Variants in IYD observed in about 807,000 individuals in gnomAD.
The protein encoded by IYD is iodotyrosine deiodinase.
A neutral mutation model predicts 28.4 loss-of-function variants in IYD; 25 were observed. The observed-to-expected ratio is 0.88, with a 90% CI of 0.64 to 1.23. The LOEUF (loss-of-function observed/expected upper bound fraction) is 1.23, where lower values mean the gene tolerates loss of function less well. IYD is among the 50% of genes most tolerant of loss of function. The pLI is 0.00. For missense variants in IYD, 352 were observed against 357.9 expected, an observed-to-expected ratio of 0.98 and a Z score of 0.13; for synonymous variants, 140 against 130.8, an observed-to-expected ratio of 1.07 and a Z score of -0.48.
At chr6:150,385,568 A>T (rs916393868) in intron 1 of IYD, among the ~76,000 whole-genome samples, 10 of 151,028 alleles carry the variant, frequency 6.6e-5, no homozygotes, top group Non-Finnish European at 1.2e-4. Context: ...GCCAAGATGT[A>T]TTTTTTTTTA....
At chr6:150,375,157 C>T (rs1217567428) in intron 1 of IYD, among the ~76,000 whole-genome samples, 1 of 152,192 alleles carries the variant, frequency 6.6e-6, no homozygotes, top group Non-Finnish European at 1.5e-5. Context: ...AGTCAATACA[C>T]TGAGACATCA....
At chr6:150,373,723 C>A (rs1339104) in intron 1 of IYD, among the ~76,000 whole-genome samples, 23,652 of 152,120 alleles carry the variant, frequency 0.16, 3,687 homozygotes, top group African/African-American at 0.39. Context: ...GCTTACCAGC[C>A]CACCACTGCC....
intron 1 of IYD, among the ~76,000 whole-genome samples, chr6:150,386,757 C>A (rs76991271): frequency 0.041 from 6,229 of 151,734 alleles, 163 homozygotes; most frequent in Non-Finnish European, 0.06. Context: ...ATAAACTGAC[C>A]CTTTTTATTA....
In IYD at chr6:150,401,141, C is replaced by T. The variant is rs1778499134; in HGVS notation, c.*2904C>T. ...CTCTTATTTTAAATTTATATTTGAA[C>T]ACAGTCAAATCTGAATGGAAATACA... On this transcript the variant is annotated 3_prime_UTR_variant, in exon 5 of 5. Transcript: ENST00000344419. 1 of 152,188 alleles carries T rather than the reference C, an allele frequency of 6.6e-6. No individual in the cohort carries two copies. The highest frequency in any genetic ancestry group is 6.5e-5 in the Admixed American group (1 of 15,282). 9.4% of individuals were successfully genotyped at this position (152,188 alleles called of 1,614,324 possible).
chr6:150,378,427 G>A (rs998856306), intron 1 of IYD, among the ~76,000 whole-genome samples: 2 of 152,026 alleles, frequency 1.3e-5, no homozygotes, highest in Non-Finnish European at 2.9e-5. Flanking sequence ...AGAACATGCG[G>A]TGTTTGGTTT....
Position 150,405,553 on chromosome 6 carries a change from A to G in IYD, c.*7316A>G, listed in dbSNP as rs527588685. ...GCCTCAGGAAACTTACAATCATGGC[A>G]GAAAGAAAAGCAAACATGCCCTTCT... On this transcript the variant is annotated 3_prime_UTR_variant, in exon 5 of 5. Transcript: ENST00000344419. 1.3e-4 allele frequency: 20 copies of G among 152,378 alleles called. No homozygotes were observed. The highest frequency in any genetic ancestry group is 4.8e-4 in the African/African-American group (20 of 41,584). The allele number at this position is 152,378 out of a possible 1,614,324, so 9.4% of individuals were successfully genotyped here.
intron 4 of IYD, chr6:150,395,858 TG>T (rs1778293750): frequency 8.5e-6 from 5 of 585,602 alleles, no homozygotes; most frequent in Middle Eastern, 4.5e-4. Context: ...TTTACTTAGA[TG>T]TTTGTTATTT....
intron 1 of IYD, among the ~76,000 whole-genome samples, chr6:150,375,883 G>A (rs1777428289): frequency 6.6e-6 from 1 of 152,134 alleles, no homozygotes; most frequent in Middle Eastern, 3.2e-3. Context: ...AGGATGATGT[G>A]ACACAAATTG....
At chr6:150,390,993 C>G (rs1778096674) in intron 2 of IYD, among the ~76,000 whole-genome samples, 1 of 152,110 alleles carries the variant, frequency 6.6e-6, no homozygotes, top group Admixed American at 6.5e-5. Flanking sequence ...AATCCCAGCA[C>G]TTTGGGAGGC....
chr6:150,391,751 C>T (rs769116638), intron 2 of IYD, among the ~76,000 whole-genome samples: 1 of 152,086 alleles, frequency 6.6e-6, no homozygotes, highest in East Asian at 1.9e-4. Flanking sequence ...TCTCGTCACC[C>T]GGGCTGGAGT....
intron 4 of IYD, among the ~76,000 whole-genome samples, chr6:150,394,982 C>T (rs972637197): frequency 5.3e-5 from 8 of 152,170 alleles, no homozygotes; most frequent in Non-Finnish European, 7.3e-5. Flanking sequence ...CAGGCACCAC[C>T]ATGCTAATTT....
At chr6:150,397,132 A>G (rs1778352570) in intron 4 of IYD, among the ~76,000 whole-genome samples, 1 of 152,194 alleles carries the variant, frequency 6.6e-6, no homozygotes, top group African/African-American at 2.4e-5. Context: ...AGATTCATAT[A>G]TGTGCATGTG....
chr6:150,401,176 G>A lies in IYD; in HGVS notation c.*2939G>A, dbSNP rs1192519213. On this transcript the variant is annotated 3_prime_UTR_variant, in exon 5 of 5. Coordinates refer to ENST00000344419, the MANE Select transcript of IYD (RefSeq NM_203395.3). ...TCTGAATGGAAATACATTTAAATAA[G>A]CATTTCTTTCAGTCATATAAGTAAT... is the stretch of plus-strand genomic sequence containing the variant. The A allele has an allele frequency of 1.3e-5, 2 of 152,120 alleles. No individual in the cohort carries two copies. The highest frequency in any genetic ancestry group is 4.8e-5 in the African/African-American group (2 of 41,430). The allele number at this position is 152,120 out of a possible 1,614,324, so 9.4% of individuals were successfully genotyped here. A position where few individuals can be genotyped will look rare whatever the true frequency, so the allele number is the denominator to read the frequency against.
chr6:150,373,586 A>G (rs1271515166), intron 1 of IYD, among the ~76,000 whole-genome samples: 3 of 152,304 alleles, frequency 2.0e-5, no homozygotes, highest in East Asian at 3.9e-4. Flanking sequence ...CAACTGTTAA[A>G]TATTTAGGAG....
intron 2 of IYD, among the ~76,000 whole-genome samples, chr6:150,390,359 T>C (rs939218815): frequency 1.1e-4 from 17 of 152,240 alleles, no homozygotes; most frequent in African/African-American, 4.1e-4. Context: ...TATTTGTATA[T>C]GTATACGTAC....
chr6:150,388,628 T>C (rs909751746), intron 1 of IYD, among the ~76,000 whole-genome samples: 1 of 103,708 alleles, frequency 9.6e-6, no homozygotes, highest in Non-Finnish European at 2.0e-5. Flanking sequence ...TCTGGAGTTT[T>C]TGCTTTCTTT....
At chr6:150,388,838 A>T (rs905467340) in intron 1 of IYD, among the ~76,000 whole-genome samples, 1 of 150,910 alleles carries the variant, frequency 6.6e-6, no homozygotes, top group Non-Finnish European at 1.5e-5. Context: ...AGTAGTTGGG[A>T]TTACAGGTGT....
rs578251625 is a variant in IYD, at chr6:150,405,405, G to T, written c.*7168G>T. On this transcript the variant is annotated 3_prime_UTR_variant, in exon 5 of 5. Coordinates refer to ENST00000344419, the MANE Select transcript of IYD (RefSeq NM_203395.3). ...CTCAATTCATACTTTTTGGGATGGA[G>T]CCTCAAATCCAGAAATCTTCTGTAT... 6.6e-6 allele frequency: 1 copy of T among 152,152 alleles called. No homozygotes were observed. The highest frequency in any genetic ancestry group is 2.4e-5 in the African/African-American group (1 of 41,412). The allele number at this position is 152,152 out of a possible 1,614,324, so 9.4% of individuals were successfully genotyped here. A position where few individuals can be genotyped will look rare whatever the true frequency, so the allele number is the denominator to read the frequency against.
chr6:150,387,164 C>G (rs1347678590), intron 1 of IYD, among the ~76,000 whole-genome samples: 2 of 152,132 alleles, frequency 1.3e-5, no homozygotes, highest in Admixed American at 1.3e-4. Context: ...GCAACTAACG[C>G]AGCCCCTGAT....
Sources: gnomAD v4.1 joint callset for allele counts (sites outside exome capture counted in the v4.1 genomes callset) on GRCh38, gnomAD v4.1.1 for gene constraint, MANE v1.5 for transcripts, NCBI Gene and HGNC (gene_info 2026-07-23, HGNC 2026-07-21) for gene names.